Variants in NXPE2 observed in about 807,000 individuals in gnomAD.
The protein encoded by NXPE2 is neurexophilin and PC-esterase domain family member 2.
NXPE2 carries 34 observed loss-of-function variants against 34.4 expected under a neutral mutation model. That is an observed-to-expected ratio of 0.99 (90% CI 0.75 to 1.31). NXPE2 has a LOEUF of 1.31. Among genes scored for constraint, NXPE2 ranks in the 40% most tolerant of loss-of-function variants. The pLI is 0.00. For missense variants in NXPE2, 649 were observed against 672.5 expected (o/e 0.97, Z 0.39); for synonymous variants, 235 against 231.3 (o/e 1.02, Z -0.15).
the NXPE2 span, among the ~76,000 whole-genome samples, chr11:114,469,516 G>A: frequency 3.3e-5 from 5 of 151,780 alleles, no homozygotes; most frequent in African/African-American, 9.7e-5. Context: ...TTGAGACGGA[G>A]TCTCGCACTC....
the NXPE2 span, among the ~76,000 whole-genome samples, chr11:114,557,597 G>T: frequency 7.1e-6 from 1 of 140,684 alleles, no homozygotes. Context: ...TTTAATTCTA[G>T]GAATATTTAA....
chr11:114,646,547 G>A, the NXPE2 span, among the ~76,000 whole-genome samples: 12 of 152,034 alleles, frequency 7.9e-5, no homozygotes, highest in East Asian at 2.3e-3. Context: ...TTATAAAAGT[G>A]AGTTATCATA....
chr11:114,639,821 A>G, the NXPE2 span, among the ~76,000 whole-genome samples: 1 of 119,554 alleles, frequency 8.4e-6, no homozygotes, highest in Non-Finnish European at 1.6e-5. Flanking sequence ...AATATAAAAT[A>G]TAATATATAT....
the NXPE2 span, among the ~76,000 whole-genome samples, chr11:114,673,167 T>C: frequency 6.7e-6 from 1 of 150,272 alleles, no homozygotes; most frequent in Non-Finnish European, 1.5e-5. Context: ...AAATTGGTAA[T>C]GAAAATAAAT....
intron 2 of NXPE2, among the ~76,000 whole-genome samples, chr11:114,697,199 ATGAGATC>A (rs2135558209): frequency 6.6e-6 from 1 of 152,312 alleles, no homozygotes; most frequent in South Asian, 2.1e-4. Context: ...AGGGCTCAAG[ATGAGATC>A]ATCCTGGATT....
At chr11:114,635,864 TG>T in the NXPE2 span, among the ~76,000 whole-genome samples, 1 of 152,128 alleles carries the variant, frequency 6.6e-6, no homozygotes, top group South Asian at 2.1e-4. Context: ...GTATTCGGTT[TG>T]CCAGTATTTT....
the NXPE2 span, among the ~76,000 whole-genome samples, chr11:114,628,901 C>G: frequency 6.6e-5 from 10 of 151,940 alleles, no homozygotes; most frequent in Admixed American, 6.6e-4. Context: ...CACCTCTATG[C>G]AAATAAACTA....
chr11:114,538,690 T>C, the NXPE2 span, among the ~76,000 whole-genome samples: 3,115 of 152,206 alleles, frequency 0.02, 117 homozygotes, highest in African/African-American at 0.072. Context: ...AAAATGCTCA[T>C]CATCACTGGC....
the NXPE2 span, among the ~76,000 whole-genome samples, chr11:114,621,457 GATA>G: frequency 0.084 from 12,846 of 152,184 alleles, 643 homozygotes; most frequent in Middle Eastern, 0.2. Flanking sequence ...TTACCCAGTG[GATA>G]ATAAGTATTG....
intron 2 of NXPE2, among the ~76,000 whole-genome samples, chr11:114,686,675 T>A (rs1951053960): frequency 6.6e-6 from 1 of 152,186 alleles, no homozygotes; most frequent in Non-Finnish European, 1.5e-5. Flanking sequence ...ATATTTTTAG[T>A]TATTTGAGAA....
chr11:114,652,588 G>T, the NXPE2 span, among the ~76,000 whole-genome samples: 1 of 152,166 alleles, frequency 6.6e-6, no homozygotes, highest in African/African-American at 2.4e-5. Flanking sequence ...AGTGTTGCTC[G>T]ACATATGTTA....
At chr11:114,554,961 G>A in the NXPE2 span, among the ~76,000 whole-genome samples, 1 of 151,982 alleles carries the variant, frequency 6.6e-6, no homozygotes, top group East Asian at 1.9e-4. Context: ...ACCTCAAGGT[G>A]CACACCCTAA....
the NXPE2 span, among the ~76,000 whole-genome samples, chr11:114,621,830 T>C: frequency 0.67 from 101,886 of 151,890 alleles, 34,438 homozygotes; most frequent in African/African-American, 0.75. Context: ...CACTGTTACC[T>C]GCTGGAAAAT....
chr11:114,640,992 A>G, the NXPE2 span, among the ~76,000 whole-genome samples: 2 of 152,074 alleles, frequency 1.3e-5, no homozygotes, highest in Non-Finnish European at 2.9e-5. Flanking sequence ...AGTGTAATCA[A>G]CATCATTGGA....
At chr11:114,634,161 G>C in the NXPE2 span, among the ~76,000 whole-genome samples, 2 of 151,536 alleles carry the variant, frequency 1.3e-5, no homozygotes, top group African/African-American at 4.8e-5. Flanking sequence ...CATTCTAACT[G>C]GTGTGAGATG....
At chr11:114,711,685 G>A (rs1859617159), downstream of NXPE2, among the ~76,000 whole-genome samples, 1 of 152,092 alleles carries the variant, frequency 6.6e-6, no homozygotes, top group African/African-American at 2.4e-5. Context: ...ACTATCCAAA[G>A]CAATCTACAG....
chr11:114,736,227 A>C, the NXPE2 span, among the ~76,000 whole-genome samples: 1 of 152,198 alleles, frequency 6.6e-6, no homozygotes, highest in South Asian at 2.1e-4. Context: ...TTTGAGAGCA[A>C]CTGGTCTGAC....
At chr11:114,501,726 A>G in the NXPE2 span, among the ~76,000 whole-genome samples, 2 of 152,186 alleles carry the variant, frequency 1.3e-5, no homozygotes, top group African/African-American at 2.4e-5. Context: ...CTGTAGCTCA[A>G]GATCAGAGAG....
At chr11:114,613,145 G>A in the NXPE2 span, among the ~76,000 whole-genome samples, 1,842 of 149,048 alleles carry the variant, frequency 0.012, 61 homozygotes, top group African/African-American at 0.043. Flanking sequence ...CTGCCTCATA[G>A]ATAACGACTG....
Sources: allele counts gnomAD v4.1 joint callset (sites outside exome capture counted in the v4.1 genomes callset), GRCh38; gene constraint gnomAD v4.1.1; transcripts MANE v1.5; gene names NCBI Gene and HGNC (gene_info 2026-07-23, HGNC 2026-07-21).